Variants in LTBP1 observed in about 807,000 individuals in gnomAD.
The protein encoded by LTBP1 is latent transforming growth factor beta binding protein 1.
Under a neutral mutation model 207.6 loss-of-function variants are expected in LTBP1, and 129 were observed. The ratio of observed to expected loss-of-function variants is 0.62; its 90% CI spans 0.54 to 0.72. The LOEUF (loss-of-function observed/expected upper bound fraction) is 0.72. LTBP1 is among the 30% of genes least tolerant of loss of function. The probability of loss-of-function intolerance (pLI) is 0.00; values close to 1 mark genes in which losing one functional copy is unlikely to be tolerated. For missense variants in LTBP1, 2,281 were observed against 2,217.2 expected (o/e 1.03, Z -0.58); for synonymous variants, 963 against 833.7 (o/e 1.16, Z -2.67).
At chr2:33,231,613 G>T (rs1446645027) in intron 9 of LTBP1, among the ~76,000 whole-genome samples, 2 of 152,088 alleles carry the variant, frequency 1.3e-5, no homozygotes, top group Non-Finnish European at 2.9e-5. Context: ...AAGGCAGATT[G>T]GTCTTTGAAT....
chr2:33,087,811 G>A (rs1162203100), intron 3 of LTBP1, among the ~76,000 whole-genome samples: 1 of 152,168 alleles, frequency 6.6e-6, no homozygotes, highest in East Asian at 1.9e-4. Context: ...AAATGGAAAT[G>A]AGTTTACTTT....
At chr2:33,094,046 A>T (rs1012213156) in intron 3 of LTBP1, among the ~76,000 whole-genome samples, 7 of 152,212 alleles carry the variant, frequency 4.6e-5, no homozygotes, top group African/African-American at 1.7e-4. Flanking sequence ...TGGCAATACA[A>T]GGTAGTGGGT....
At chr2:33,176,415 C>T (rs956195937) in intron 5 of LTBP1, among the ~76,000 whole-genome samples, 4 of 151,972 alleles carry the variant, frequency 2.6e-5, no homozygotes, top group Non-Finnish European at 4.4e-5. Context: ...TTAGTAGATA[C>T]GGGGTTTCAC....
chr2:33,278,304 G>T (rs2093488059), intron 18 of LTBP1, among the ~76,000 whole-genome samples: 1 of 152,166 alleles, frequency 6.6e-6, no homozygotes, highest in Admixed American at 6.5e-5. Context: ...GGAGAAAGAT[G>T]ACTAGCGTTC....
intron 5 of LTBP1, among the ~76,000 whole-genome samples, chr2:33,149,220 CAAAAAAACAAAAAAAAAAAA>C (rs1444425960): frequency 0.14 from 2,187 of 15,148 alleles, 27 homozygotes; most frequent in Non-Finnish European, 0.19. Flanking sequence ...GTCTCACTCA[CAAAAAAACAAAAAAAAAAAA>C]AAAAAAAAAA....
intron 15 of LTBP1, among the ~76,000 whole-genome samples, chr2:33,263,616 G>C (rs1159943617): frequency 1.3e-5 from 2 of 152,198 alleles, no homozygotes; most frequent in East Asian, 1.9e-4. Flanking sequence ...TGTTTGAAAA[G>C]AGTAGTTAAT....
intron 7 of LTBP1, among the ~76,000 whole-genome samples, chr2:33,189,173 T>A (rs2087553883): frequency 7.0e-6 from 1 of 143,020 alleles, no homozygotes; most frequent in South Asian, 2.2e-4. Flanking sequence ...CAGAATACAT[T>A]TATTTATTTA....
intron 4 of LTBP1, among the ~76,000 whole-genome samples, chr2:33,123,756 C>A (rs183035308): frequency 6.6e-6 from 1 of 152,154 alleles, no homozygotes; most frequent in Admixed American, 6.5e-5. Context: ...CCTCCTCCTC[C>A]TCATCTATTT....
chr2:33,357,619 T>G (rs2094879723), intron 26 of LTBP1, among the ~76,000 whole-genome samples: 1 of 151,928 alleles, frequency 6.6e-6, no homozygotes, highest in Non-Finnish European at 1.5e-5. Flanking sequence ...GAAAAAAACA[T>G]AGAAAATGTC....
intron 2 of LTBP1, among the ~76,000 whole-genome samples, chr2:32,998,142 C>T (rs149443928): frequency 6.6e-6 from 1 of 152,268 alleles, no homozygotes; most frequent in East Asian, 1.9e-4. Context: ...CTCCCCAGAC[C>T]TAATAATCAA....
intron 3 of LTBP1, among the ~76,000 whole-genome samples, chr2:33,096,434 G>A (rs139220426): frequency 5.1e-4 from 78 of 152,304 alleles, no homozygotes; most frequent in African/African-American, 1.9e-3. Context: ...TAATAGAGTG[G>A]TGTGGGGTTT....
At chr2:33,089,679 CTA>C (rs2078969444) in intron 3 of LTBP1, among the ~76,000 whole-genome samples, 1 of 152,188 alleles carries the variant, frequency 6.6e-6, no homozygotes, top group South Asian at 2.1e-4. Flanking sequence ...ATATTACTAA[CTA>C]AAGTCTATTA....
At chr2:33,156,992 G>A (rs2084029214) in intron 5 of LTBP1, among the ~76,000 whole-genome samples, 1 of 152,142 alleles carries the variant, frequency 6.6e-6, no homozygotes, top group Non-Finnish European at 1.5e-5. Flanking sequence ...AACTTGACAG[G>A]TCTGCAAATG....
intron 5 of LTBP1, among the ~76,000 whole-genome samples, chr2:33,176,214 GTTAA>G (rs1380581482): frequency 6.6e-5 from 8 of 122,016 alleles, no homozygotes; most frequent in East Asian, 2.2e-4. Context: ...ATTTTGACAT[GTTAA>G]TTAATTAATC....
chr2:33,390,819 C>T (rs192865484), intron 32 of LTBP1, among the ~76,000 whole-genome samples: 8 of 152,050 alleles, frequency 5.3e-5, no homozygotes, highest in Admixed American at 3.9e-4. Flanking sequence ...TAATTGCTGC[C>T]GACCGAGGAG....
intron 20 of LTBP1, 52 bp downstream of exon 20, chr2:33,293,334 A>G (rs1279026645): frequency 1.3e-6 from 2 of 1,539,322 alleles, no homozygotes; most frequent in Non-Finnish European, 8.8e-7. Context: ...ATTTAAATAT[A>G]GATTAGAGCA....
intron 2 of LTBP1, among the ~76,000 whole-genome samples, chr2:33,001,481 T>C (rs1284924104): frequency 7.4e-6 from 1 of 134,798 alleles, no homozygotes; most frequent in African/African-American, 2.6e-5. Context: ...GATTAAATAA[T>C]GTTGGATACA....
intron 20 of LTBP1, among the ~76,000 whole-genome samples, chr2:33,295,150 A>T (rs1467942384): frequency 2.0e-5 from 3 of 151,980 alleles, no homozygotes; most frequent in African/African-American, 7.2e-5. Flanking sequence ...TAACATTTAT[A>T]TTTGTTTTTA....
At chr2:33,277,813 T>TCTCTCTC (rs1558933843) in intron 18 of LTBP1, among the ~76,000 whole-genome samples, 9 of 71,796 alleles carry the variant, frequency 1.3e-4, no homozygotes, top group Non-Finnish European at 2.0e-4. Context: ...CTCTTTCTTT[T>TCTCTCTC]TTTCTTTCTT....
Sources: allele counts gnomAD v4.1 joint callset (sites outside exome capture counted in the v4.1 genomes callset), GRCh38; gene constraint gnomAD v4.1.1; transcripts MANE v1.5; gene names NCBI Gene and HGNC (gene_info 2026-07-23, HGNC 2026-07-21).